The following SPAG16 variants were observed in gnomAD, a reference collection of about 807,000 sequenced individuals.
SPAG16 encodes the protein sperm-associated antigen 16 protein.
SPAG16 carries 86 observed loss-of-function variants against 80.4 expected under a neutral mutation model. The observed-to-expected ratio is 1.07, with a 90% CI of 0.90 to 1.28. The LOEUF is 1.28. SPAG16 is among the 50% of genes most tolerant of loss of function. SPAG16 has a pLI of 0.00. For missense variants in SPAG16, 870 were observed against 765.3 expected (o/e 1.14, Z -1.61); for synonymous variants, 294 against 265.9 (o/e 1.11, Z -1.03).
intron 10 of SPAG16, among the ~76,000 whole-genome samples, chr2:213,518,175 G>T (rs908083989): frequency 2.0e-4 from 30 of 152,140 alleles, no homozygotes; most frequent in African/African-American, 7.2e-4. Flanking sequence ...ACATACAAGT[G>T]GCCAACAGAC....
chr2:214,303,961 T>C (rs905933309), intron 15 of SPAG16, among the ~76,000 whole-genome samples: 3 of 152,172 alleles, frequency 2.0e-5, no homozygotes, highest in Non-Finnish European at 4.4e-5. Context: ...CACTCAGGTA[T>C]TAAGCCTAGT....
chr2:213,555,341 G>A (rs1000884240), intron 10 of SPAG16, among the ~76,000 whole-genome samples: 1 of 152,120 alleles, frequency 6.6e-6, no homozygotes, highest in African/African-American at 2.4e-5. Context: ...GATCATGGGG[G>A]CAGCTTCCGA....
chr2:214,145,728 G>C (rs778165332), intron 14 of SPAG16, among the ~76,000 whole-genome samples: 25 of 152,146 alleles, frequency 1.6e-4, no homozygotes, highest in Non-Finnish European at 3.1e-4. Flanking sequence ...AAATTCATTT[G>C]AGTCTTATGA....
chr2:213,344,063 C>A (rs1471997033), intron 6 of SPAG16, among the ~76,000 whole-genome samples: 2 of 152,214 alleles, frequency 1.3e-5, no homozygotes, highest in South Asian at 2.1e-4. Flanking sequence ...TTAGCCAGGA[C>A]TGTACTTATT....
At chr2:213,895,920 TAAAAA>T (rs1194802469) in intron 11 of SPAG16, among the ~76,000 whole-genome samples, 1 of 147,976 alleles carries the variant, frequency 6.8e-6, no homozygotes, top group Admixed American at 6.7e-5. Flanking sequence ...AAGCAAAAAA[TAAAAA>T]ATAAAAAAAA....
At chr2:214,322,156 T>C (rs1049818348) in intron 15 of SPAG16, among the ~76,000 whole-genome samples, 4 of 152,148 alleles carry the variant, frequency 2.6e-5, no homozygotes, top group Non-Finnish European at 4.4e-5. Flanking sequence ...TTGTTTTAGA[T>C]CCCCCTCTTC....
chr2:214,335,755 C>CTTTT lies in SPAG16; in HGVS notation c.1721-74366_1721-74363dup, dbSNP rs71037369. Reference sequence around the variant, plus strand: ...TGTCTATTATTTTATTATTAGGATTCTTTTTTTTTTTTTTTTTTTTTTGAG... The same window carrying CTTTT: ...TGTCTATTATTTTATTATTAGGATTCTTTTTTTTTTTTTTTTTTTTTTTTTTGAG... On this transcript the variant is annotated intron_variant, in intron 15 of 15. Coordinates refer to ENST00000331683, the MANE Select transcript of SPAG16 (RefSeq NM_024532.5). Among the ~76,000 whole-genome samples the CTTTT allele has an allele frequency of 1.0e-3, 92 of 90,572 alleles. 1 individual carries two copies. The highest frequency in any genetic ancestry group is 3.7e-3 in the African/African-American group (90 of 24,276). 59.4% of individuals were successfully genotyped at this position (90,572 alleles called of 152,430 possible).
At chr2:213,936,569 T>C (rs1270368739) in intron 12 of SPAG16, among the ~76,000 whole-genome samples, 1 of 152,132 alleles carries the variant, frequency 6.6e-6, no homozygotes, top group East Asian at 1.9e-4. Flanking sequence ...GTCATAAAAA[T>C]TGTATTCTGG....
At chr2:213,435,304 G>A (rs2125503199) in intron 9 of SPAG16, among the ~76,000 whole-genome samples, 1 of 152,214 alleles carries the variant, frequency 6.6e-6, no homozygotes, top group Admixed American at 6.5e-5. Context: ...AATGCTGTAT[G>A]GTCTCACTTA....
At chr2:213,681,512 TGA>T (rs1478489543) in intron 10 of SPAG16, among the ~76,000 whole-genome samples, 3 of 152,168 alleles carry the variant, frequency 2.0e-5, no homozygotes, top group African/African-American at 7.2e-5. Flanking sequence ...AGAGATCTGA[TGA>T]TCTCTTTTGC....
intron 12 of SPAG16, among the ~76,000 whole-genome samples, chr2:213,968,261 G>A (rs1396902649): frequency 1.3e-5 from 2 of 151,374 alleles, no homozygotes; most frequent in African/African-American, 4.9e-5. Flanking sequence ...TGCAATCTCC[G>A]CCTCCCAAGT....
chr2:213,361,148 A>G (rs536094953), intron 7 of SPAG16, among the ~76,000 whole-genome samples: 19 of 152,226 alleles, frequency 1.2e-4, no homozygotes, highest in African/African-American at 3.9e-4. Flanking sequence ...TTTAGTAGAT[A>G]CTAGACAGTG....
At chr2:213,522,761 T>C (rs569955921) in intron 10 of SPAG16, among the ~76,000 whole-genome samples, 1 of 150,722 alleles carries the variant, frequency 6.6e-6, no homozygotes, top group South Asian at 2.1e-4. Context: ...TAAATGAAAT[T>C]TAAATATATT....
intron 15 of SPAG16, among the ~76,000 whole-genome samples, chr2:214,228,980 A>G: frequency 6.6e-6 from 1 of 151,890 alleles, no homozygotes; most frequent in East Asian, 1.9e-4. Flanking sequence ...CATTAAAGGA[A>G]AAGGAAAGTC....
chr2:214,274,544 A>G (rs571836349), intron 15 of SPAG16, among the ~76,000 whole-genome samples: 2 of 152,240 alleles, frequency 1.3e-5, no homozygotes, highest in East Asian at 1.9e-4. Flanking sequence ...TTCTGCATCT[A>G]TTGAGGTAAT....
chr2:213,987,861 T>A (rs1383392866), intron 12 of SPAG16, among the ~76,000 whole-genome samples: 1 of 147,718 alleles, frequency 6.8e-6, no homozygotes, highest in Non-Finnish European at 1.5e-5. Flanking sequence ...TTAATATAAA[T>A]ATAAAAATAA....
intron 15 of SPAG16, among the ~76,000 whole-genome samples, chr2:214,368,679 T>A (rs1359673376): frequency 6.6e-6 from 1 of 152,108 alleles, no homozygotes; most frequent in Non-Finnish European, 1.5e-5. Flanking sequence ...ACTATTATCC[T>A]GAACGAATGT....
intron 13 of SPAG16, among the ~76,000 whole-genome samples, chr2:214,074,929 T>C (rs2050993957): frequency 6.6e-6 from 1 of 152,102 alleles, no homozygotes; most frequent in Non-Finnish European, 1.5e-5. Context: ...ATATTAATAA[T>C]AGCATTATTT....
chr2:213,533,953 C>T (rs572479132), intron 10 of SPAG16, among the ~76,000 whole-genome samples: 19 of 152,158 alleles, frequency 1.2e-4, no homozygotes, highest in Non-Finnish European at 1.6e-4. Flanking sequence ...GATATTTCAT[C>T]TTATGTACTT....
Sources: gnomAD v4.1 joint callset for allele counts (sites outside exome capture counted in the v4.1 genomes callset) on GRCh38, gnomAD v4.1.1 for gene constraint, MANE v1.5 for transcripts, NCBI Gene and HGNC (gene_info 2026-07-23, HGNC 2026-07-21) for gene names.